Variants in KLHL7 observed in about 807,000 individuals in gnomAD.
The protein encoded by KLHL7 is kelch like family member 7.
KLHL7 carries 44 observed loss-of-function variants against 67.4 expected under a neutral mutation model. That is an observed-to-expected ratio of 0.65 (90% CI 0.51 to 0.84). KLHL7 has a LOEUF of 0.84. KLHL7 is among the 40% of genes least tolerant of loss of function. The pLI, the probability that KLHL7 is intolerant of heterozygous loss-of-function variation, is 0.00. For synonymous variants in KLHL7, 252 were observed against 243.3 expected (o/e 1.04, Z -0.33); for missense variants, 362 against 718.1 (o/e 0.50, Z 5.67).
chr7:23,136,064 GAGA>G (rs1330305360), intron 4 of KLHL7, among the ~76,000 whole-genome samples: 1 of 152,192 alleles, frequency 6.6e-6, no homozygotes, highest in Non-Finnish European at 1.5e-5. Context: ...CTGCTGCCAT[GAGA>G]AGAAGGCTAG....
chr7:23,168,424 G>A (rs11770879), intron 9 of KLHL7, among the ~76,000 whole-genome samples: 6,951 of 152,282 alleles, frequency 0.046, 232 homozygotes, highest in Non-Finnish European at 0.069. Context: ...TTGGCTCATG[G>A]CATTAATAAA....
chr7:23,156,992 G>C (rs1156875945), intron 7 of KLHL7, among the ~76,000 whole-genome samples: 1 of 152,082 alleles, frequency 6.6e-6, no homozygotes, highest in Non-Finnish European at 1.5e-5. Flanking sequence ...TTATATTAAA[G>C]ATATTGCAGT....
intron 1 of KLHL7, among the ~76,000 whole-genome samples, chr7:23,113,803 G>A (rs1446772789): frequency 6.6e-6 from 1 of 152,144 alleles, no homozygotes. Flanking sequence ...TCCAGCCTGG[G>A]CAACAAGAGC....
intron 2 of KLHL7, among the ~76,000 whole-genome samples, chr7:23,124,443 C>G (rs1783487345): frequency 6.6e-6 from 1 of 152,028 alleles, no homozygotes; most frequent in Non-Finnish European, 1.5e-5. Context: ...TTTTATGTTT[C>G]TGTTAATATG....
intron 6 of KLHL7, among the ~76,000 whole-genome samples, chr7:23,144,744 A>G (rs1046251871): frequency 2.0e-5 from 3 of 152,152 alleles, no homozygotes; most frequent in Non-Finnish European, 2.9e-5. Context: ...TTCCTGATAG[A>G]GTATATTATC....
chr7:23,161,881 G>A (rs1784863509), intron 7 of KLHL7, among the ~76,000 whole-genome samples: 1 of 152,156 alleles, frequency 6.6e-6, no homozygotes, highest in African/African-American at 2.4e-5. Context: ...TGAGCCCTGG[G>A]CCAAATACTA....
At chr7:23,158,323 C>G (rs565085364) in intron 7 of KLHL7, among the ~76,000 whole-genome samples, 1 of 152,118 alleles carries the variant, frequency 6.6e-6, no homozygotes, top group African/African-American at 2.4e-5. Flanking sequence ...AGCAGTGGGT[C>G]CATGAGCACA....
chr7:23,106,182 A>T, intron 1 of KLHL7, 36 bp downstream of exon 1: 2 of 1,603,648 alleles, frequency 1.2e-6, no homozygotes, highest in Non-Finnish European at 1.7e-6. Flanking sequence ...CGACGGTGGG[A>T]GGTGGTCCGG....
rs180745542 is a variant in KLHL7, at chr7:23,156,816, C to T, written c.936+4607C>T. ...ACTCATTACTGAGCTCAGTGTCTGGCACAGGGTGAGTACTCAAGTTTATAA... is the reference window on the plus strand; with the variant it reads ...ACTCATTACTGAGCTCAGTGTCTGGTACAGGGTGAGTACTCAAGTTTATAA... On this transcript the variant is annotated intron_variant, in intron 7 of 10. Transcript: ENST00000339077. Among the ~76,000 whole-genome samples, 16 of 152,266 alleles carry T rather than the reference C, an allele frequency of 1.1e-4. No individual in the cohort carries two copies. In the East Asian group the frequency reaches 2.7e-3, roughly 26 times the overall value.
rs1337416978 is a variant in KLHL7 at position 23,129,216 on chromosome 7, G to A, written c.442+4044G>A. 2.3e-5 allele frequency: 5 copies of A among 214,072 alleles called. No homozygotes were observed. The South Asian group carries it at 2.8e-4, about 12-fold the overall frequency. The allele number at this position is 214,072 out of a possible 1,614,324, so 13.3% of individuals were successfully genotyped here. ...AGCTACTGCATGCAGTGATCATGGG[G>A]GCCCCAGACCTGGGCTTAGGCAAGG... On this transcript the variant is annotated intron_variant, in intron 4 of 10. Transcript: ENST00000339077.
chr7:23,167,716 A>T (rs1785043382), intron 8 of KLHL7, 120 bp from the exon 9 acceptor site: 1 of 805,982 alleles, frequency 1.2e-6, no homozygotes, highest in Admixed American at 2.1e-5. Flanking sequence ...TTGATTGAGT[A>T]TGAAAATGGC....
intron 1 of KLHL7, among the ~76,000 whole-genome samples, chr7:23,113,470 C>A (rs1217786003): frequency 6.6e-6 from 1 of 152,168 alleles, no homozygotes; most frequent in African/African-American, 2.4e-5. Flanking sequence ...ACAGAACCCA[C>A]TAGCAGAAAG....
intron 4 of KLHL7, 134 bp from the exon 5 acceptor site, chr7:23,140,630 ACAAAT>A (rs1784149886): frequency 2.6e-6 from 2 of 763,484 alleles, no homozygotes; most frequent in South Asian, 1.5e-5. Flanking sequence ...ACAAGAATAG[ACAAAT>A]CAATGAAACA....
intron 1 of KLHL7, chr7:23,106,643 T>G: frequency 9.7e-7 from 1 of 1,027,292 alleles, no homozygotes; most frequent in African/African-American, 1.7e-5. Flanking sequence ...AGAGGAGTCC[T>G]CCTGTTCGTG....
intron 1 of KLHL7, 29 bp downstream of exon 1, chr7:23,106,175 CG>C (rs1202361300): frequency 1.9e-6 from 3 of 1,605,396 alleles, no homozygotes; most frequent in Non-Finnish European, 2.6e-6. Flanking sequence ...TGACGGACGA[CG>C]GTGGGAGGTG....
chr7:23,114,633 T>G (rs1381872183), intron 1 of KLHL7, among the ~76,000 whole-genome samples: 4 of 152,348 alleles, frequency 2.6e-5, no homozygotes, highest in Admixed American at 2.0e-4. Context: ...TCTTAAATGC[T>G]TATGTGGCTA....
chr7:23,168,176 G>C (rs1395493234), intron 9 of KLHL7, 139 bp downstream of exon 9: 10 of 761,966 alleles, frequency 1.3e-5, no homozygotes, highest in Non-Finnish European at 2.0e-5. Flanking sequence ...AGTGTGCTAG[G>C]GTCAGTGGCA....
intron 4 of KLHL7, among the ~76,000 whole-genome samples, chr7:23,126,743 A>C (rs937535334): frequency 1.3e-5 from 2 of 152,190 alleles, no homozygotes; most frequent in African/African-American, 4.8e-5. Context: ...CAGCAGAATA[A>C]ATTTCAGGAG....
intron 1 of KLHL7, among the ~76,000 whole-genome samples, chr7:23,117,075 C>A (rs140820469): frequency 9.6e-6 from 1 of 103,824 alleles, no homozygotes; most frequent in Non-Finnish European, 2.2e-5. Context: ...TTTCCTAGAG[C>A]CAGGCCTTTT....
Sources: allele counts gnomAD v4.1 joint callset (sites outside exome capture counted in the v4.1 genomes callset), GRCh38; gene constraint gnomAD v4.1.1; transcripts MANE v1.5; gene names NCBI Gene and HGNC (gene_info 2026-07-23, HGNC 2026-07-21).